The following TSPEAR variants were observed in gnomAD, a reference collection of about 807,000 sequenced individuals.
TSPEAR encodes thrombospondin-type laminin G domain and EAR repeat-containing protein.
Under a neutral mutation model 71.6 loss-of-function variants are expected in TSPEAR, and 69 were observed. The ratio of observed to expected loss-of-function variants is 0.96; its 90% CI spans 0.79 to 1.18. The LOEUF is 1.18. Ranked by LOEUF, TSPEAR falls within the 50% of genes most tolerant of loss-of-function variation. The probability of loss-of-function intolerance (pLI) is 0.00; values close to 1 mark genes in which losing one functional copy is unlikely to be tolerated. For synonymous variants in TSPEAR, 402 were observed against 387.2 expected (o/e 1.04, Z -0.45); for missense variants, 971 against 894.9 (o/e 1.09, Z -1.09).
At chr21:44,512,553 G>A (rs1032109845) in intron 9 of TSPEAR, among the ~76,000 whole-genome samples, 7 of 152,184 alleles carry the variant, frequency 4.6e-5, no homozygotes, top group Admixed American at 3.3e-4. Context: ...CAGGAGCGTA[G>A]GGTGGAGGTG....
intron 1 of TSPEAR, chr21:44,637,428 C>T (rs1555936974): frequency 6.2e-7 from 1 of 1,606,630 alleles, no homozygotes; most frequent in African/African-American, 1.3e-5. Flanking sequence ...ATGGCCGCCT[C>T]CACCATGTCC....
intron 2 of TSPEAR, among the ~76,000 whole-genome samples, chr21:44,536,473 C>T (rs1555916388): frequency 6.6e-6 from 1 of 152,164 alleles, no homozygotes; most frequent in East Asian, 1.9e-4. Context: ...GGATCCACTC[C>T]TCCCTCTCAA....
At chr21:44,636,790 A>G (rs587711409) in intron 1 of TSPEAR, among the ~76,000 whole-genome samples, 1 of 152,268 alleles carries the variant, frequency 6.6e-6, no homozygotes, top group Non-Finnish European at 1.5e-5. Context: ...GCCAGTCCCC[A>G]AACCTTGTCC....
intron 3 of TSPEAR, among the ~76,000 whole-genome samples, chr21:44,532,137 AGTTCTTCC>A (rs1425066546): frequency 6.6e-6 from 1 of 152,228 alleles, no homozygotes; most frequent in African/African-American, 2.4e-5. Flanking sequence ...CAAGGGGTTA[AGTTCTTCC>A]GTGGCCACAA....
intron 1 of TSPEAR, chr21:44,667,076 G>T: frequency 1.4e-6 from 1 of 700,636 alleles, no homozygotes; most frequent in Non-Finnish European, 2.4e-6. Flanking sequence ...GGTTTTGTTT[G>T]GCCCTTAGCT....
chr21:44,626,694 G>A (rs1555934422), intron 1 of TSPEAR, among the ~76,000 whole-genome samples: 2 of 152,138 alleles, frequency 1.3e-5, no homozygotes, highest in African/African-American at 4.8e-5. Flanking sequence ...ACTAGAGGAG[G>A]AGTTTGCACC....
intron 1 of TSPEAR, chr21:44,647,471 C>T (rs185275163): frequency 4.0e-4 from 499 of 1,240,346 alleles, no homozygotes; most frequent in Non-Finnish European, 5.0e-4. Flanking sequence ...CACAGAGCTG[C>T]TGCCTGAAGG....
intron 1 of TSPEAR, chr21:44,600,764 C>A: frequency 1.3e-6 from 2 of 1,599,784 alleles, no homozygotes; most frequent in East Asian, 2.3e-5. Context: ...CCCTGCTGCG[C>A]CCCGGCCCCC....
rs143581570 is a variant in TSPEAR at position 44,661,477 on chromosome 21, G to A, written c.82+49956C>T. Among the ~76,000 whole-genome samples the A allele has an allele frequency of 3.4e-3, 511 of 152,232 alleles. 7 individuals carry two copies. Among genetic ancestry groups the A allele is most frequent in the African/African-American group, 0.012 (483 of 41,536 alleles). ...CAGATGAAGTGGCGTCATATTACCCGGAGGTATCCTTTGTTACAGTAAAGG... is the reference window on the plus strand; with the variant it reads ...CAGATGAAGTGGCGTCATATTACCCAGAGGTATCCTTTGTTACAGTAAAGG... On this transcript the variant is annotated intron_variant, in intron 1 of 11. Coordinates refer to ENST00000323084, the MANE Select transcript of TSPEAR (RefSeq NM_144991.3).
intron 1 of TSPEAR, among the ~76,000 whole-genome samples, chr21:44,706,119 C>T (rs1232371734): frequency 3.9e-5 from 6 of 152,196 alleles, no homozygotes; most frequent in Non-Finnish European, 7.4e-5. Context: ...AGGCCTAGTG[C>T]GAGCACAGGT....
chr21:44,617,035 C>T (rs764345430), intron 1 of TSPEAR, among the ~76,000 whole-genome samples: 3 of 152,160 alleles, frequency 2.0e-5, no homozygotes, highest in African/African-American at 7.2e-5. Context: ...TGGGGGGTCT[C>T]TAAAACCCCA....
chr21:44,531,952 C>T lies in TSPEAR; in HGVS notation c.543-819G>A, dbSNP rs61424600. Among the ~76,000 whole-genome samples, 1,269 of 152,372 alleles carry T rather than the reference C, an allele frequency of 8.3e-3. 15 individuals are homozygous for T. The highest frequency in any genetic ancestry group is 0.027 in the African/African-American group (1,137 of 41,588). ...CCTCCCGCCCACGCTGCCACTGTCT[C>T]TTGTAAAACACCTGCTCCTTCCAGT... On this transcript the variant is annotated intron_variant, in intron 3 of 11. Coordinates refer to ENST00000323084, the MANE Select transcript of TSPEAR (RefSeq NM_144991.3).
At position 44,697,529 on chromosome 21, in the gene TSPEAR, T is replaced by C. The variant is rs782223792; in HGVS notation, c.82+13904A>G. ...GCAGGCCTGCTGCGTGCCCGTCTGC[T>C]GCAAGACTGTCTGCTGCAAGCCTGT... On this transcript the variant is annotated intron_variant, in intron 1 of 11. Transcript: ENST00000323084. 8.7e-6 allele frequency: 14 copies of C among 1,613,806 alleles called. No homozygotes were observed. The Admixed American group carries it at 2.3e-4, about 27-fold the overall frequency.
In TSPEAR at chr21:44,592,269, A is replaced by G. The variant is rs543299; in HGVS notation, c.83-24264T>C. 11,648 of 1,510,110 alleles carry G rather than the reference A, an allele frequency of 7.7e-3. 106 individuals carry two copies. The East Asian group carries it at 0.095, about 12-fold the overall frequency. The allele number at this position is 1,510,110 out of a possible 1,614,324, so 93.5% of individuals were successfully genotyped here. The stretch of plus-strand genomic sequence containing the variant: ...AGCCTGATTGGCAGGGGCTGGGCTC[A>G]CAGGTCACTGGGCAGCAGGGGCTGG... On this transcript the variant is annotated intron_variant, in intron 1 of 11. Transcript: ENST00000323084.
intron 1 of TSPEAR, among the ~76,000 whole-genome samples, chr21:44,569,112 C>T (rs1027858685): frequency 3.3e-5 from 5 of 152,204 alleles, no homozygotes; most frequent in Non-Finnish European, 7.3e-5. Flanking sequence ...CTTCCTTGCA[C>T]CGCCACGTGC....
At chr21:44,551,702 C>G (rs587729602) in intron 2 of TSPEAR, among the ~76,000 whole-genome samples, 3 of 152,110 alleles carry the variant, frequency 2.0e-5, no homozygotes, top group African/African-American at 4.8e-5. Context: ...TCCTAACACT[C>G]GGCTGGTCCT....
chr21:44,626,126 G>A (rs1390079516), intron 1 of TSPEAR, among the ~76,000 whole-genome samples: 6 of 152,170 alleles, frequency 3.9e-5, no homozygotes, highest in Admixed American at 3.9e-4. Flanking sequence ...CGTGTAATAC[G>A]TCTTACTTTA....
At chr21:44,676,699 G>A (rs1986328552) in intron 1 of TSPEAR, 6 of 772,746 alleles carry the variant, frequency 7.8e-6, no homozygotes. Flanking sequence ...GTGAAGCTAG[G>A]TTCTCATTTC....
intron 2 of TSPEAR, chr21:44,558,718 TG>T (rs782671376): frequency 6.3e-7 from 1 of 1,588,780 alleles, no homozygotes; most frequent in Non-Finnish European, 8.6e-7. Context: ...GTGGCCATGC[TG>T]GGGTGGGGAG....
Sources: allele counts gnomAD v4.1 joint callset (sites outside exome capture counted in the v4.1 genomes callset), GRCh38; gene constraint gnomAD v4.1.1; transcripts MANE v1.5; gene names NCBI Gene and HGNC (gene_info 2026-07-23, HGNC 2026-07-21).